The following ZC3H12B variants were observed in gnomAD, a reference collection of about 807,000 sequenced individuals.
ZC3H12B encodes the protein probable ribonuclease ZC3H12B.
ZC3H12B carries 7 observed loss-of-function variants against 43.9 expected under a neutral mutation model. That is an observed-to-expected ratio of 0.16 (90% CI 0.09 to 0.30). The LOEUF is 0.30. Among genes scored for constraint, ZC3H12B ranks in the 10% least tolerant of loss-of-function variants. ZC3H12B has a pLI of 1.00. For synonymous variants in ZC3H12B, 222 were observed against 241.7 expected, an observed-to-expected ratio of 0.92 and a Z score of 0.76; for missense variants, 475 against 670.2, an observed-to-expected ratio of 0.71 and a Z score of 3.22.
the ZC3H12B span, among the ~76,000 whole-genome samples, chrX:65,347,288 A>G: frequency 8.9e-6 from 1 of 111,789 alleles, no homozygotes; most frequent in African/African-American, 3.3e-5. Context: ...TCCGAAGGTC[A>G]CCAACATCAG....
the ZC3H12B span, among the ~76,000 whole-genome samples, chrX:65,178,216 C>G: frequency 8.9e-6 from 1 of 112,049 alleles, no homozygotes; most frequent in South Asian, 3.7e-4. Flanking sequence ...CCATATGCAG[C>G]AAACTGAAAC....
At chrX:65,472,494 T>C (rs2067930882) in intron 3 of ZC3H12B, among the ~76,000 whole-genome samples, 1 of 109,560 alleles carries the variant, frequency 9.1e-6, no homozygotes, top group African/African-American at 3.3e-5. Flanking sequence ...ACCCAAAAAA[T>C]CGTTGCCCAG....
At chrX:65,453,988 C>T (rs778948710) in intron 3 of ZC3H12B, among the ~76,000 whole-genome samples, 7 of 111,807 alleles carry the variant, frequency 6.3e-5, no homozygotes, top group African/African-American at 2.3e-4. Context: ...GTGATGAGTG[C>T]ATGAAAAATC....
the ZC3H12B span, among the ~76,000 whole-genome samples, chrX:65,070,586 C>T: frequency 0.013 from 1,454 of 110,600 alleles, 23 homozygotes; most frequent in African/African-American, 0.045. Flanking sequence ...ATAAATTTCC[C>T]TCTTAACAAT....
chrX:65,303,854 C>T, the ZC3H12B span, among the ~76,000 whole-genome samples: 1 of 112,313 alleles, frequency 8.9e-6, no homozygotes, highest in Non-Finnish European at 1.9e-5. Context: ...GACCTGTACA[C>T]TGAAAATTGT....
At chrX:65,455,102 C>G (rs1432275973) in intron 3 of ZC3H12B, among the ~76,000 whole-genome samples, 2 of 112,445 alleles carry the variant, frequency 1.8e-5, no homozygotes, top group African/African-American at 6.5e-5. Flanking sequence ...AGCTCCTCAA[C>G]AGCAATGCAA....
chrX:65,462,964 C>A (rs764910493), intron 3 of ZC3H12B, among the ~76,000 whole-genome samples: 1 of 112,085 alleles, frequency 8.9e-6, no homozygotes, highest in East Asian at 2.8e-4. Flanking sequence ...ATTTCATTTG[C>A]AGCAACATGG....
the ZC3H12B span, among the ~76,000 whole-genome samples, chrX:65,150,050 C>A: frequency 9.1e-6 from 1 of 110,187 alleles, no homozygotes; most frequent in Non-Finnish European, 1.9e-5. Flanking sequence ...ATTTGAAACC[C>A]CAGTGTCGTG....
At chrX:65,151,370 T>A in the ZC3H12B span, among the ~76,000 whole-genome samples, 11 of 112,112 alleles carry the variant, frequency 9.8e-5, no homozygotes, top group Admixed American at 3.8e-4. Context: ...GTTAATAAGG[T>A]ATTTGGAATA....
At chrX:65,393,056 G>A (rs1182412464) in intron 2 of ZC3H12B, among the ~76,000 whole-genome samples, 1 of 111,001 alleles carries the variant, frequency 9.0e-6, no homozygotes, top group African/African-American at 3.3e-5. Flanking sequence ...CAGCATGCTC[G>A]TTAAGAGTCA....
the ZC3H12B span, among the ~76,000 whole-genome samples, chrX:65,099,199 G>A: frequency 7.1e-5 from 8 of 111,913 alleles, no homozygotes; most frequent in Admixed American, 3.8e-4. Flanking sequence ...TGAAAGAAAG[G>A]CAGCAACCTC....
intron 2 of ZC3H12B, among the ~76,000 whole-genome samples, chrX:65,398,225 C>T (rs781714169): frequency 1.8e-5 from 2 of 111,778 alleles, no homozygotes; most frequent in African/African-American, 3.2e-5. Context: ...AATGCAATCC[C>T]TATCCAAATA....
chrX:65,450,824 T>TACATATGTGTATATATGTATATATAG (rs2067489522), intron 3 of ZC3H12B, among the ~76,000 whole-genome samples: 1 of 65,352 alleles, frequency 1.5e-5, no homozygotes, highest in Non-Finnish European at 2.3e-5. Flanking sequence ...TGTATATATA[T>TACATATGTGTATATATGTATATATAG]ACATATGTGT....
intron 3 of ZC3H12B, among the ~76,000 whole-genome samples, chrX:65,457,627 G>A (rs1476428859): frequency 2.5e-5 from 2 of 78,922 alleles, no homozygotes; most frequent in Non-Finnish European, 4.1e-5. Context: ...ATAGAAAGGC[G>A]GGAAGGGTGG....
the ZC3H12B span, among the ~76,000 whole-genome samples, chrX:65,154,046 C>G: frequency 1.8e-5 from 2 of 109,886 alleles, no homozygotes; most frequent in East Asian, 2.8e-4. Context: ...CACATGGACA[C>G]AGGAAGGGGA....
intron 3 of ZC3H12B, among the ~76,000 whole-genome samples, chrX:65,427,829 C>A (rs997470053): frequency 8.9e-6 from 1 of 111,851 alleles, no homozygotes; most frequent in Non-Finnish European, 1.9e-5. Context: ...GGTTATTTTG[C>A]AGACTTGTTT....
chrX:65,129,335 G>A, the ZC3H12B span, among the ~76,000 whole-genome samples: 1 of 108,648 alleles, frequency 9.2e-6, no homozygotes, highest in Non-Finnish European at 1.9e-5. Context: ...CCACCAAACA[G>A]GCTTTGTGTG....
the ZC3H12B span, among the ~76,000 whole-genome samples, chrX:65,251,195 A>G: frequency 9.0e-6 from 1 of 111,716 alleles, no homozygotes; most frequent in Admixed American, 9.5e-5. Flanking sequence ...TAAATAGGGA[A>G]TCGTTTCCCC....
At chrX:65,156,098 T>C in the ZC3H12B span, among the ~76,000 whole-genome samples, 1 of 111,725 alleles carries the variant, frequency 9.0e-6, no homozygotes, top group African/African-American at 3.2e-5. Context: ...GTTTATATTG[T>C]TTATAGTATC....
Sources: allele counts gnomAD v4.1 joint callset (sites outside exome capture counted in the v4.1 genomes callset), GRCh38; gene constraint gnomAD v4.1.1; transcripts MANE v1.5; gene names NCBI Gene and HGNC (gene_info 2026-07-23, HGNC 2026-07-21).